FBN2: variants seen among roughly 807,000 people sequenced by gnomAD.
FBN2 encodes fibrillin-2.
FBN2 carries 105 observed loss-of-function variants against 355.6 expected under a neutral mutation model. That is an observed-to-expected ratio of 0.30 (90% CI 0.25 to 0.35). The LOEUF is 0.35. Ranked by LOEUF, FBN2 falls within the 10% of genes least tolerant of loss-of-function variation. FBN2 has a pLI of 1.00. For synonymous variants in FBN2, 1,350 were observed against 1,301.2 expected (o/e 1.04, Z -0.81); for missense variants, 3,280 against 3,758.7 (o/e 0.87, Z 3.33).
chr5:128,408,779 T>G lies in FBN2; in HGVS notation c.973A>C (p.Ile325Leu), dbSNP rs748879016. 1.2e-6 allele frequency: 2 copies of G among 1,614,018 alleles called. No homozygotes were observed. The highest frequency in any genetic ancestry group is 4.5e-5 in the East Asian group (2 of 44,856). Reference protein sequence around the residue: ...KCEDIDECSIIPGICETGECS... With the variant: ...KCEDIDECSILPGICETGECS... ...TCACCAGTTTCACATATCCCAGGAA[T>G]GATGCTGCACTCATCAATGTCTAAT... The change falls in exon 8 of 65, where the codon ATT becomes CTT. Residue 325 changes from isoleucine (I) to leucine (L), a missense_variant. By Grantham distance (5) the Ile-to-Leu change is conservative. Transcript: ENST00000262464.
intron 51 of FBN2, among the ~76,000 whole-genome samples, chr5:128,289,587 A>G (rs1247686346): frequency 6.6e-6 from 1 of 151,938 alleles, no homozygotes. Context: ...CTCCACCTCA[A>G]AATAAATAAA....
chr5:128,435,221 G>A (rs1279043257), intron 7 of FBN2, among the ~76,000 whole-genome samples: 1 of 152,034 alleles, frequency 6.6e-6, no homozygotes, highest in Non-Finnish European at 1.5e-5. Context: ...AAAACAGGCT[G>A]AGACCAGTCA....
rs756813212 is a variant in FBN2 at position 128,361,766 on chromosome 5, G to A, written c.2511C>T (p.Cys837=). ...RNTPGSYSCT[C]PPGYVFRTET... ...CAGTCCTGAACACATACCCTGGTGG[G>A]CACGTACAGCTGTAACTTCCTGGCG... The change falls in exon 19 of 65, where the codon TGC becomes TGT. Residue 837 remains cysteine (C), a synonymous_variant. Transcript: ENST00000262464. 1.1e-5 allele frequency: 18 copies of A among 1,613,956 alleles called. No individual in the cohort carries two copies. Among genetic ancestry groups the A allele is most frequent in the Non-Finnish European group, 1.4e-5 (16 of 1,179,984 alleles).
intron 11 of FBN2, among the ~76,000 whole-genome samples, chr5:128,388,792 G>A (rs1752433526): frequency 1.3e-5 from 2 of 152,014 alleles, no homozygotes. Context: ...GTTAACCTTG[G>A]AGAATCTGAT....
In FBN2 at chr5:128,443,117, T is replaced by A. The variant is rs7733090; in HGVS notation, c.952+3364A>T. Among the ~76,000 whole-genome samples the A allele has an allele frequency of 6.6e-3, 1,001 of 152,274 alleles. 10 individuals carry two copies. The highest frequency in any genetic ancestry group is 0.023 in the African/African-American group (942 of 41,570). On this transcript the variant is annotated intron_variant, in intron 7 of 64. Coordinates refer to ENST00000262464, the MANE Select transcript of FBN2 (RefSeq NM_001999.4). ...CTTTCTTTTAGCTAAAAAGCAAAGG[T>A]CCTTGACATCAGAAGCATTACCTGC...
chr5:128,425,316 T>C (rs1398378713), intron 7 of FBN2, among the ~76,000 whole-genome samples: 1 of 152,154 alleles, frequency 6.6e-6, no homozygotes, highest in Admixed American at 6.5e-5. Context: ...CTTTTCACAA[T>C]TGCCCTAAAC....
At chr5:128,484,440 A>G (rs374571195) in intron 5 of FBN2, among the ~76,000 whole-genome samples, 3 of 152,238 alleles carry the variant, frequency 2.0e-5, no homozygotes, top group East Asian at 1.9e-4. Flanking sequence ...ATTAATGCCA[A>G]TCATACACAA....
chr5:128,537,380 C>G lies in FBN2; in HGVS notation c.224G>C (p.Arg75Pro), dbSNP rs1756882487. The G allele has an allele frequency of 6.2e-7, 1 of 1,610,690 alleles. No homozygotes were observed. Among genetic ancestry groups the G allele is most frequent in the African/African-American group, 1.3e-5 (1 of 75,058 alleles). ...GAGCACGTCCTGCTGTCCTCGCCGG[C>G]GGACGCGGCTGGCCACTGCGGCACC... ...EEGAAVASRV[R>P]RRGQQDVLRG... Residue 75 changes from arginine (R) to proline (P), a missense_variant, in exon 1 of 65, where the codon CGC becomes CCC. By Grantham distance (103) the Arg-to-Pro change is moderately radical. Transcript: ENST00000262464.
intron 7 of FBN2, among the ~76,000 whole-genome samples, chr5:128,422,816 T>G (rs914892131): frequency 2.0e-5 from 3 of 152,192 alleles, no homozygotes; most frequent in Non-Finnish European, 4.4e-5. Context: ...TTATTAAACA[T>G]GCAGATTTTG....
intron 36 of FBN2, among the ~76,000 whole-genome samples, chr5:128,315,722 G>C (rs73345203): frequency 6.6e-6 from 1 of 152,042 alleles, no homozygotes; most frequent in Non-Finnish European, 1.5e-5. Flanking sequence ...GTACAGAAAC[G>C]TCATGAAAAT....
At chr5:128,533,045 T>C (rs998438114) in intron 2 of FBN2, among the ~76,000 whole-genome samples, 1 of 151,734 alleles carries the variant, frequency 6.6e-6, no homozygotes, top group Admixed American at 6.6e-5. Context: ...CTCAAATTAA[T>C]AAAAAAAGAA....
intron 58 of FBN2, among the ~76,000 whole-genome samples, chr5:128,277,635 A>C (rs956621037): frequency 1.3e-5 from 2 of 152,202 alleles, no homozygotes; most frequent in African/African-American, 2.4e-5. Flanking sequence ...TGTTTTTGAC[A>C]CATGGATGTG....
intron 5 of FBN2, among the ~76,000 whole-genome samples, chr5:128,475,956 T>C (rs1754997952): frequency 6.6e-6 from 1 of 152,180 alleles, no homozygotes; most frequent in African/African-American, 2.4e-5. Flanking sequence ...CAAAAGTATC[T>C]GCCATATGAA....
chr5:128,266,784 G>T (rs920351733), intron 62 of FBN2, among the ~76,000 whole-genome samples: 2 of 151,436 alleles, frequency 1.3e-5, no homozygotes, highest in African/African-American at 4.8e-5. Context: ...AAAGTGGTGG[G>T]CTTCATATTT....
At chr5:128,341,087 G>A (rs993027994) in intron 25 of FBN2, among the ~76,000 whole-genome samples, 5 of 152,218 alleles carry the variant, frequency 3.3e-5, no homozygotes, top group Non-Finnish European at 7.3e-5. Flanking sequence ...CCCCCAGCAT[G>A]GGAGGAGACC....
Position 128,312,627 on chromosome 5 carries a change from T to C in FBN2, c.4879+7A>G, listed in dbSNP as rs555328744. 3.7e-6 allele frequency: 6 copies of C among 1,614,132 alleles called. No homozygotes were observed. The East Asian group carries it at 6.7e-5, about 18-fold the overall frequency. ...GTTTTCTTCCTCTTCTTCAGCTTTG[T>C]ACTTACTGCTATTGACAGGGGGGCA... On this transcript the variant is annotated splice_region_variant and intron_variant, in intron 37 of 64. Coordinates refer to ENST00000262464, the MANE Select transcript of FBN2 (RefSeq NM_001999.4).
At chr5:128,392,539 G>C (rs1276334616) in intron 10 of FBN2, among the ~76,000 whole-genome samples, 1 of 152,194 alleles carries the variant, frequency 6.6e-6, no homozygotes, top group African/African-American at 2.4e-5. Context: ...ATTAGCAAGA[G>C]AGGGCTTTTA....
chr5:128,519,691 C>T (rs1561495653), intron 4 of FBN2, among the ~76,000 whole-genome samples: 1 of 151,656 alleles, frequency 6.6e-6, no homozygotes, highest in Admixed American at 6.6e-5. Context: ...CTACTCAACC[C>T]TCAATTTCTG....
At chr5:128,442,894 A>C (rs1417996609) in intron 7 of FBN2, among the ~76,000 whole-genome samples, 3 of 152,212 alleles carry the variant, frequency 2.0e-5, no homozygotes, top group Non-Finnish European at 4.4e-5. Flanking sequence ...TCGCAGGAGA[A>C]TCAAACAACA....
Sources: allele counts gnomAD v4.1 joint callset (sites outside exome capture counted in the v4.1 genomes callset), GRCh38; gene constraint gnomAD v4.1.1; transcripts MANE v1.5; gene names NCBI Gene and HGNC (gene_info 2026-07-23, HGNC 2026-07-21).